The following OR6N1 variants were observed in gnomAD, a reference collection of about 807,000 sequenced individuals.
OR6N1 encodes the protein olfactory receptor 6N1.
For synonymous variants in OR6N1, 170 were observed against 150.7 expected, an observed-to-expected ratio of 1.13 and a Z score of -0.94; for missense variants, 394 against 371.7, an observed-to-expected ratio of 1.06 and a Z score of -0.49.
the OR6N1 span, among the ~76,000 whole-genome samples, chr1:158,812,950 T>C: frequency 3.9e-5 from 6 of 152,164 alleles, no homozygotes; most frequent in Admixed American, 2.6e-4. Flanking sequence ...AATGCTTAAT[T>C]TGGAATGGGG....
At chr1:158,830,292 G>A in the OR6N1 span, among the ~76,000 whole-genome samples, 1 of 152,164 alleles carries the variant, frequency 6.6e-6, no homozygotes, top group Non-Finnish European at 1.5e-5. Context: ...GTTAGTGGCT[G>A]TCATTCTAGA....
At chr1:158,834,629 C>G in the OR6N1 span, among the ~76,000 whole-genome samples, 1 of 152,046 alleles carries the variant, frequency 6.6e-6, no homozygotes, top group African/African-American at 2.4e-5. Context: ...TTGTTGTAGT[C>G]TAATTTATCT....
At chr1:158,813,249 G>A in the OR6N1 span, among the ~76,000 whole-genome samples, 15 of 152,078 alleles carry the variant, frequency 9.9e-5, no homozygotes, top group East Asian at 1.9e-4. Context: ...CCCAGTAATC[G>A]TATTTCTAAG....
chr1:158,826,674 T>C, the OR6N1 span, among the ~76,000 whole-genome samples: 2 of 152,166 alleles, frequency 1.3e-5, no homozygotes, highest in African/African-American at 4.8e-5. Context: ...GTGATAGGTA[T>C]GGATAGTTTC....
the OR6N1 span, among the ~76,000 whole-genome samples, chr1:158,793,088 T>C: frequency 0.037 from 5,591 of 152,200 alleles, 355 homozygotes; most frequent in African/African-American, 0.13. Context: ...TTTTTGCAGT[T>C]CCTTAAATGT....
intron 1 of OR6N1, among the ~76,000 whole-genome samples, chr1:158,768,372 T>G (rs1212399259): frequency 1.3e-5 from 2 of 152,214 alleles, no homozygotes; most frequent in Admixed American, 1.3e-4. Context: ...ACCCCTAGTC[T>G]TCCCCATCAC....
At chr1:158,804,300 G>T in the OR6N1 span, among the ~76,000 whole-genome samples, 1 of 152,160 alleles carries the variant, frequency 6.6e-6, no homozygotes, top group African/African-American at 2.4e-5. Flanking sequence ...GTTGGCTCCA[G>T]GGTCACAAAT....
At chr1:158,794,993 C>T in the OR6N1 span, among the ~76,000 whole-genome samples, 5 of 152,094 alleles carry the variant, frequency 3.3e-5, no homozygotes, top group African/African-American at 1.2e-4. Context: ...CATAGTGTTA[C>T]GCTACCAAGG....
chr1:158,806,125 A>T, the OR6N1 span, among the ~76,000 whole-genome samples: 4 of 152,348 alleles, frequency 2.6e-5, no homozygotes, highest in African/African-American at 9.6e-5. Context: ...TAGTTCCTGC[A>T]AAAAGAGTAG....
At chr1:158,822,998 T>C in the OR6N1 span, among the ~76,000 whole-genome samples, 1 of 152,332 alleles carries the variant, frequency 6.6e-6, no homozygotes, top group East Asian at 1.9e-4. Context: ...TGTTTTTATG[T>C]GATGAATCAT....
At chr1:158,775,221 A>G (rs1232089120), upstream of OR6N1, 4 of 152,216 alleles carry the variant, frequency 2.6e-5, 1 homozygote, top group Non-Finnish European at 5.9e-5. Context: ...CATAAATTAG[A>G]CTGAGTGTTC....
At chr1:158,784,129 A>G in the OR6N1 span, among the ~76,000 whole-genome samples, 1 of 152,002 alleles carries the variant, frequency 6.6e-6, no homozygotes, top group Non-Finnish European at 1.5e-5. Flanking sequence ...AGAAAAGGCT[A>G]GTCTGACTCC....
At chr1:158,779,777 T>C in the OR6N1 span, among the ~76,000 whole-genome samples, 1 of 152,204 alleles carries the variant, frequency 6.6e-6, no homozygotes, top group Non-Finnish European at 1.5e-5. Flanking sequence ...TGAGATCAAA[T>C]CTTAACTCCT....
At chr1:158,815,289 C>T in the OR6N1 span, among the ~76,000 whole-genome samples, 1 of 152,148 alleles carries the variant, frequency 6.6e-6, no homozygotes, top group African/African-American at 2.4e-5. Flanking sequence ...TGTTATATAA[C>T]TACTTAAGTC....
the OR6N1 span, among the ~76,000 whole-genome samples, chr1:158,818,236 A>G: frequency 6.6e-6 from 1 of 152,224 alleles, no homozygotes; most frequent in Admixed American, 6.5e-5. Flanking sequence ...GACTAGACAC[A>G]TAGCCTTTCT....
chr1:158,800,924 C>A, the OR6N1 span, among the ~76,000 whole-genome samples: 2 of 152,122 alleles, frequency 1.3e-5, no homozygotes, highest in African/African-American at 4.8e-5. Context: ...CTTCAGAGAA[C>A]CTTCAGAGAA....
chr1:158,772,903 C>T (rs1411108994), upstream of OR6N1, among the ~76,000 whole-genome samples: 1 of 151,984 alleles, frequency 6.6e-6, no homozygotes, highest in Non-Finnish European at 1.5e-5. Context: ...GTTAATTAGC[C>T]TAATTTGATC....
chr1:158,770,332 G>A (rs1657393448), intron 1 of OR6N1, among the ~76,000 whole-genome samples: 4 of 152,120 alleles, frequency 2.6e-5, no homozygotes, highest in Admixed American at 2.6e-4. Flanking sequence ...ATCCGATCAA[G>A]TATTATTATT....
At chr1:158,779,130 G>T in the OR6N1 span, among the ~76,000 whole-genome samples, 6 of 151,852 alleles carry the variant, frequency 4.0e-5, no homozygotes, top group African/African-American at 1.4e-4. Context: ...AGAGTATATA[G>T]CTGGCTTGGT....
Sources: gnomAD v4.1 joint callset for allele counts (sites outside exome capture counted in the v4.1 genomes callset) on GRCh38, gnomAD v4.1.1 for gene constraint, MANE v1.5 for transcripts, NCBI Gene and HGNC (gene_info 2026-07-23, HGNC 2026-07-21) for gene names.